Variants in HECW1 observed in about 807,000 individuals in gnomAD.
HECW1 encodes HECT, C2 and WW domain containing E3 ubiquitin protein ligase 1, also known as E3 ubiquitin-protein ligase HECW1.
In HECW1, 61 loss-of-function variants were observed where a neutral mutation model predicts 182.3. The ratio of observed to expected loss-of-function variants is 0.33; its 90% CI spans 0.27 to 0.41. The LOEUF is 0.41. HECW1 is among the 10% of genes least tolerant of loss of function. The probability of loss-of-function intolerance (pLI) is 1.00; values close to 1 mark genes in which losing one functional copy is unlikely to be tolerated. For missense variants in HECW1, 1,739 were observed against 2,108.9 expected, an observed-to-expected ratio of 0.82 and a Z score of 3.44; for synonymous variants, 859 against 832.6, an observed-to-expected ratio of 1.03 and a Z score of -0.55.
chr7:43,129,796 C>T (rs527438145), intron 2 of HECW1, among the ~76,000 whole-genome samples: 2 of 152,148 alleles, frequency 1.3e-5, no homozygotes, highest in South Asian at 2.1e-4. Flanking sequence ...ATGCTCAAGT[C>T]GCTGGTATAC....
Position 43,444,517 on chromosome 7 carries a change from A to C in HECW1, c.1345A>C (p.Ile449Leu). 6.2e-7 allele frequency: 1 copy of C among 1,611,768 alleles called. No homozygotes were observed. The highest frequency in any genetic ancestry group is 8.5e-7 in the Non-Finnish European group (1 of 1,179,098). ...GCTCCTGGCCCAGGTGCAAAAGGAC[A>C]TCCAGCCTGCCCCCAGTGCAGAAGA... is the stretch of plus-strand genomic sequence containing the variant. ...GELLAQVQKD[I>L]QPAPSAEELA... The change falls in exon 11 of 30, where the codon ATC becomes CTC. Residue 449 changes from isoleucine (I) to leucine (L), a missense_variant. By Grantham distance (5) the Ile-to-Leu change is conservative (BLOSUM62 2). This residue lies in a region of HECW1 where 971 missense variants were observed against 1,029.1 expected (regional missense o/e 0.94). Transcript: ENST00000395891. This position sits in a 1 kb window ranked among gnomAD's most constrained non-coding sequence, Gnocchi z 4.3.
At chr7:43,549,889 A>G (rs576239410) in intron 26 of HECW1, among the ~76,000 whole-genome samples, 6 of 152,308 alleles carry the variant, frequency 3.9e-5, no homozygotes, top group Non-Finnish European at 8.8e-5. Context: ...CTTCACCATT[A>G]GGGACAACCT....
intron 8 of HECW1, among the ~76,000 whole-genome samples, chr7:43,437,173 C>T (rs1013667684): frequency 1.3e-5 from 2 of 152,212 alleles, no homozygotes; most frequent in Non-Finnish European, 2.9e-5. Context: ...AAATGAAATC[C>T]TACTCTTCGT....
At chr7:43,396,720 G>C in intron 6 of HECW1, 94 bp from the exon 7 acceptor site, 1 of 839,184 alleles carries the variant, frequency 1.2e-6, no homozygotes. Context: ...CCTGTAGCTG[G>C]TAAAATCACT....
At chr7:43,443,073 T>C (rs1253366153) in intron 10 of HECW1, among the ~76,000 whole-genome samples, 1 of 152,216 alleles carries the variant, frequency 6.6e-6, no homozygotes, top group African/African-American at 2.4e-5. Context: ...TTTTATAATA[T>C]CACAGAAAAA....
intron 8 of HECW1, among the ~76,000 whole-genome samples, chr7:43,429,771 C>T (rs2152864449): frequency 6.6e-6 from 1 of 152,302 alleles, no homozygotes; most frequent in South Asian, 2.1e-4. Context: ...CATTTAATTT[C>T]CATTAGTAAT....
At chr7:43,411,916 A>G (rs935347446) in intron 8 of HECW1, among the ~76,000 whole-genome samples, 1 of 152,216 alleles carries the variant, frequency 6.6e-6, no homozygotes, top group African/African-American at 2.4e-5. Flanking sequence ...GCCTTTTAAT[A>G]GGAATGAATG....
At chr7:43,150,993 A>G (rs1170689823) in intron 2 of HECW1, 2 of 155,012 alleles carry the variant, frequency 1.3e-5, no homozygotes, top group Admixed American at 6.5e-5. Context: ...TCCTACCTGG[A>G]CAGGCCTCCA....
At chr7:43,504,372 A>G (rs2079492535) in intron 21 of HECW1, among the ~76,000 whole-genome samples, 1 of 151,558 alleles carries the variant, frequency 6.6e-6, no homozygotes, top group Non-Finnish European at 1.5e-5. Flanking sequence ...TCCTACTACC[A>G]CCCTTTGGCC....
At position 43,332,188 on chromosome 7, in the gene HECW1, G is replaced by A. The variant is rs147197487; in HGVS notation, c.460+11446G>A. ...ACACAGATGTGGTACAGTGAAATTG[G>A]ATCTCTACAAAAATAAATAAATAAA... On this transcript the variant is annotated intron_variant, in intron 5 of 29. Coordinates refer to ENST00000395891, the MANE Select transcript of HECW1 (RefSeq NM_015052.5). Among the ~76,000 whole-genome samples the A allele has an allele frequency of 2.6e-5, 4 of 152,196 alleles. No individual in the cohort carries two copies. In the East Asian group the frequency reaches 7.7e-4, roughly 29 times the overall value.
chr7:43,385,556 G>C (rs188248939), intron 6 of HECW1, among the ~76,000 whole-genome samples: 2 of 150,052 alleles, frequency 1.3e-5, no homozygotes, highest in Non-Finnish European at 3.0e-5. Flanking sequence ...TGGCAGAGCC[G>C]TCCCTCAGAG....
At chr7:43,158,359 A>T (rs1189920720) in intron 2 of HECW1, among the ~76,000 whole-genome samples, 1 of 152,188 alleles carries the variant, frequency 6.6e-6, no homozygotes, top group Non-Finnish European at 1.5e-5. Context: ...TGTTTCTTGC[A>T]TGTTTATTGT....
At chr7:43,262,353 C>T (rs1023910716) in intron 3 of HECW1, among the ~76,000 whole-genome samples, 28 of 151,932 alleles carry the variant, frequency 1.8e-4, no homozygotes, top group African/African-American at 6.3e-4. Flanking sequence ...GTATATCAGC[C>T]ACTTTATAGA....
intron 2 of HECW1, among the ~76,000 whole-genome samples, chr7:43,153,192 A>T (rs1372303784): frequency 6.6e-6 from 1 of 152,082 alleles, no homozygotes; most frequent in Non-Finnish European, 1.5e-5. Context: ...ACTGATCTCC[A>T]TCAAGCCCAT....
At chr7:43,209,009 C>T (rs1030296428) in intron 2 of HECW1, among the ~76,000 whole-genome samples, 23 of 152,196 alleles carry the variant, frequency 1.5e-4, no homozygotes, top group African/African-American at 5.5e-4. Context: ...TGATATTGAA[C>T]TTGGCTATAT....
rs188095987 is a variant in HECW1 at position 43,178,918 on chromosome 7, C to T, written c.-32+64527C>T. 1.7e-3 allele frequency among the ~76,000 whole-genome samples: 256 copies of T among 151,720 alleles called. 2 individuals are homozygous for T. The highest frequency in any genetic ancestry group is 5.8e-3 in the African/African-American group (243 of 41,548). ...AATTGCAAAAGCAGCCTTTTCAGAA[C>T]ACTTCCTGAAAATATCTTTTTTATG... On this transcript the variant is annotated intron_variant, in intron 2 of 29. Transcript: ENST00000395891.
intron 6 of HECW1, among the ~76,000 whole-genome samples, chr7:43,393,759 G>T (rs1442520740): frequency 1.3e-5 from 2 of 151,678 alleles, no homozygotes; most frequent in Non-Finnish European, 2.9e-5. Flanking sequence ...AATGCCAGCA[G>T]AGGAGTATTT....
At chr7:43,221,892 T>G (rs542084023) in intron 2 of HECW1, among the ~76,000 whole-genome samples, 39 of 152,186 alleles carry the variant, frequency 2.6e-4, no homozygotes, top group African/African-American at 9.4e-4. Context: ...CATCATAGGT[T>G]GCAATGCCAA....
chr7:43,552,244 C>A lies in HECW1; in HGVS notation c.4418C>A (p.Ser1473Tyr). The A allele has an allele frequency of 6.2e-7, 1 of 1,613,674 alleles. No homozygotes were observed. Among genetic ancestry groups the A allele is most frequent in the Non-Finnish European group, 8.5e-7 (1 of 1,179,602 alleles). ...CAGGTTGTAGACTCGAGGCTGGTGT[C>A]CGTGTTTGATGCCAGGGAGCTGGAG... The part of the protein sequence containing the change: ...FYEVVDSRLV[S>Y]VFDARELELV... Residue 1473 changes from serine (S) to tyrosine (Y), a missense_variant, in exon 28 of 30, where the codon TCC becomes TAC. By Grantham distance (144) the Ser-to-Tyr change is moderately radical. Around this residue, in one of 5 missense-constraint regions of HECW1, gnomAD observed 420 missense variants for 595.7 expected, o/e 0.71. Coordinates refer to ENST00000395891, the MANE Select transcript of HECW1 (RefSeq NM_015052.5).
Sources: gnomAD v4.1 joint callset for allele counts (sites outside exome capture counted in the v4.1 genomes callset) on GRCh38, gnomAD v4.1.1 for gene constraint, gnomAD v4.1.1 regional missense constraint, Gnocchi (gnomAD v3.1) non-coding constraint, MANE v1.5 for transcripts, NCBI Gene and HGNC (gene_info 2026-07-23, HGNC 2026-07-21) for gene names.